Variants in CLINT1 observed in about 807,000 individuals in gnomAD.
The protein encoded by CLINT1 is clathrin interacting protein localized in the trans-Golgi region.
In CLINT1, 15 loss-of-function variants were observed where a neutral mutation model predicts 70.4. That is an observed-to-expected ratio of 0.21 (90% CI 0.14 to 0.33). The LOEUF (loss-of-function observed/expected upper bound fraction) is 0.33, where lower values mean the gene tolerates loss of function less well. CLINT1 is among the 10% of genes least tolerant of loss of function. The pLI is 1.00. For missense variants in CLINT1, 615 were observed against 778.1 expected, an observed-to-expected ratio of 0.79 and a Z score of 2.49; for synonymous variants, 227 against 254.7, an observed-to-expected ratio of 0.89 and a Z score of 1.04.
chr5:157,792,268 C>T (rs1761939560), intron 9 of CLINT1, among the ~76,000 whole-genome samples: 1 of 151,992 alleles, frequency 6.6e-6, no homozygotes, highest in Non-Finnish European at 1.5e-5. Context: ...AAAAAAATGG[C>T]CAGGCATGGT....
At chr5:157,833,279 A>C (rs1374767173) in intron 1 of CLINT1, among the ~76,000 whole-genome samples, 1 of 151,852 alleles carries the variant, frequency 6.6e-6, no homozygotes, top group African/African-American at 2.4e-5. Context: ...TGAACCTGGT[A>C]GGTGGAGGCT....
intron 1 of CLINT1, among the ~76,000 whole-genome samples, chr5:157,850,103 G>A (rs1753521195): frequency 6.6e-6 from 1 of 152,148 alleles, no homozygotes; most frequent in Non-Finnish European, 1.5e-5. Flanking sequence ...GAGATCACAG[G>A]CGGGGCAACA....
intron 11 of CLINT1, 165 bp from the exon 12 acceptor site, chr5:157,788,157 T>A: frequency 1.5e-6 from 1 of 675,212 alleles, no homozygotes; most frequent in African/African-American, 1.8e-5. Flanking sequence ...TGGTTCCTCT[T>A]GAGACATATA....
chr5:157,824,652 T>G (rs3097835), intron 1 of CLINT1, among the ~76,000 whole-genome samples: 61,477 of 152,146 alleles, frequency 0.4, 12,965 homozygotes, highest in East Asian at 0.61. Context: ...TAAACCATAG[T>G]ACTCCCTCCA....
chr5:157,846,033 G>A (rs796249433), intron 1 of CLINT1, among the ~76,000 whole-genome samples: 4 of 152,072 alleles, frequency 2.6e-5, no homozygotes, highest in African/African-American at 4.8e-5. Context: ...CATTCCTGCC[G>A]CTCTCCCTCT....
chr5:157,795,007 T>A, intron 8 of CLINT1, 35 bp from the exon 9 acceptor site: 1 of 1,504,558 alleles, frequency 6.6e-7, no homozygotes, highest in Non-Finnish European at 9.0e-7. Flanking sequence ...CTGTTAGAAC[T>A]AGAGAAAAAT....
chr5:157,817,372 A>T, intron 2 of CLINT1, 71 bp downstream of exon 2: 1 of 981,850 alleles, frequency 1.0e-6, no homozygotes, highest in Non-Finnish European at 1.5e-6. Flanking sequence ...TAAATCTGAA[A>T]GCAAATTTCA....
chr5:157,802,171 A>G (rs1016067710), intron 8 of CLINT1, among the ~76,000 whole-genome samples: 1 of 152,172 alleles, frequency 6.6e-6, no homozygotes, highest in Non-Finnish European at 1.5e-5. Context: ...CTGGGATTAC[A>G]GGTGTGAGCC....
intron 1 of CLINT1, among the ~76,000 whole-genome samples, chr5:157,819,714 T>C (rs987489813): frequency 1.3e-5 from 2 of 152,236 alleles, no homozygotes; most frequent in African/African-American, 4.8e-5. Context: ...GGATTATAAT[T>C]CACCCAAGCA....
chr5:157,789,675 G>A (rs1761842782), intron 10 of CLINT1, 162 bp from the exon 11 acceptor site: 9 of 872,256 alleles, frequency 1.0e-5, no homozygotes, highest in Admixed American at 7.0e-5. Flanking sequence ...AACCACTAAT[G>A]TTCTATGCTA....
Position 157,813,177 on chromosome 5 carries a change from A to G in CLINT1, c.403T>C (p.Leu135=). 1.4e-5 allele frequency: 22 copies of G among 1,613,746 alleles called. No homozygotes were observed. The highest frequency in any genetic ancestry group is 1.9e-5 in the Non-Finnish European group (22 of 1,179,832). The part of the protein sequence containing the change: ...GINIRQKVKE[L]VEFAQDDDRL... ...TCGTCATCCTGGGCAAATTCAACCA[A>G]TTCCTTCACCTTCTGTCGAATATTT... Residue 135 remains leucine, a synonymous_variant, in exon 5 of 12, where the codon TTG becomes CTG. Transcript: ENST00000411809.
intron 1 of CLINT1, among the ~76,000 whole-genome samples, chr5:157,819,958 G>A (rs908377516): frequency 2.0e-5 from 3 of 152,218 alleles, no homozygotes; most frequent in African/African-American, 4.8e-5. Flanking sequence ...GAAGGCCTGT[G>A]TGAGTGCTGT....
intron 1 of CLINT1, among the ~76,000 whole-genome samples, chr5:157,821,420 A>C (rs940258842): frequency 2.0e-5 from 3 of 152,218 alleles, no homozygotes; most frequent in Admixed American, 1.3e-4. Context: ...AAGAAGAAAA[A>C]TAACTTTAAG....
At chr5:157,795,994 C>T (rs1328204756) in intron 8 of CLINT1, 3 of 152,198 alleles carry the variant, frequency 2.0e-5, no homozygotes, top group Admixed American at 6.6e-5. Flanking sequence ...TTGCTGCGCT[C>T]CAGATTGGGC....
At chr5:157,843,789 T>A (rs1257960221) in intron 1 of CLINT1, among the ~76,000 whole-genome samples, 2 of 152,202 alleles carry the variant, frequency 1.3e-5, no homozygotes, top group Non-Finnish European at 2.9e-5. Context: ...AAAAAAGGCA[T>A]AAAAGCCTTC....
intron 1 of CLINT1, among the ~76,000 whole-genome samples, chr5:157,838,997 G>A (rs1424583144): frequency 6.6e-6 from 1 of 152,220 alleles, no homozygotes; most frequent in Non-Finnish European, 1.5e-5. Context: ...CACTTTGGGA[G>A]GTGGGCGGAT....
chr5:157,822,686 T>C (rs1190506110), intron 1 of CLINT1, among the ~76,000 whole-genome samples: 1 of 152,232 alleles, frequency 6.6e-6, no homozygotes, highest in African/African-American at 2.4e-5. Context: ...TCAGATAATA[T>C]CAAATTATTT....
At chr5:157,848,848 G>C (rs544518970) in intron 1 of CLINT1, among the ~76,000 whole-genome samples, 21 of 151,722 alleles carry the variant, frequency 1.4e-4, no homozygotes, top group Admixed American at 1.2e-3. Flanking sequence ...TTTTAGTAGA[G>C]ACGGGGTTTC....
In CLINT1 at chr5:157,806,034, C is replaced by G. The variant is rs531936369; in HGVS notation, c.774G>C (p.Thr258=). The change falls in exon 7 of 12, where the codon ACG becomes ACC. Residue 258 remains threonine (T), a synonymous_variant. Transcript: ENST00000411809. ...CCTGTGTGATATGAATATGCTTTGT[C>G]GTCACAGTCTCCTCTTCATCTTTGA... ...GEFKDEEETV[T]TKHIHITQAT... 2.3e-5 allele frequency: 37 copies of G among 1,613,884 alleles called. No homozygotes were observed. Among genetic ancestry groups the G allele is most frequent in the Non-Finnish European group, 3.0e-5 (35 of 1,179,886 alleles).
Sources: gnomAD v4.1 joint callset for allele counts (sites outside exome capture counted in the v4.1 genomes callset) on GRCh38, gnomAD v4.1.1 for gene constraint, MANE v1.5 for transcripts, NCBI Gene and HGNC (gene_info 2026-07-23, HGNC 2026-07-21) for gene names.